Variants in STPG2 observed in about 807,000 individuals in gnomAD.
STPG2 encodes sperm-tail PG-rich repeat-containing protein 2.
STPG2 carries 56 observed loss-of-function variants against 54.2 expected under a neutral mutation model. The ratio of observed to expected loss-of-function variants is 1.03; its 90% CI spans 0.83 to 1.29. STPG2 has a LOEUF of 1.29. STPG2 is among the 50% of genes most tolerant of loss of function. The pLI is 0.00. For missense variants in STPG2, 596 were observed against 544.9 expected, an observed-to-expected ratio of 1.09 and a Z score of -0.93; for synonymous variants, 200 against 181.8, an observed-to-expected ratio of 1.10 and a Z score of -0.81.
intron 4 of STPG2, among the ~76,000 whole-genome samples, chr4:97,541,555 T>G (rs1434283812): frequency 6.6e-6 from 1 of 152,122 alleles, no homozygotes; most frequent in Non-Finnish European, 1.5e-5. Context: ...CCAAGGTAAT[T>G]TATAGATTCA....
intron 5 of STPG2, among the ~76,000 whole-genome samples, chr4:97,984,247 G>A (rs1392669800): frequency 6.6e-6 from 1 of 152,126 alleles, no homozygotes; most frequent in Admixed American, 6.6e-5. Flanking sequence ...TGGGTTCAGA[G>A]GATTCTCGTG....
intron 5 of STPG2, among the ~76,000 whole-genome samples, chr4:98,021,926 G>T (rs961401271): frequency 7.2e-5 from 11 of 151,932 alleles, no homozygotes; most frequent in Non-Finnish European, 1.3e-4. Flanking sequence ...CACCTGAGAT[G>T]GGTTTCCTGA....
chr4:97,898,261 T>C (rs931952323), intron 8 of STPG2, among the ~76,000 whole-genome samples: 3 of 151,980 alleles, frequency 2.0e-5, no homozygotes, highest in Non-Finnish European at 4.4e-5. Context: ...CATTGGAATA[T>C]GTGTCTGCTT....
intron 8 of STPG2, among the ~76,000 whole-genome samples, chr4:97,911,214 T>G (rs1731666313): frequency 6.6e-6 from 1 of 152,226 alleles, no homozygotes. Context: ...CTGTGCAGAC[T>G]GTCAGCGGCT....
intron 7 of STPG2, among the ~76,000 whole-genome samples, chr4:97,945,388 T>C (rs2149234096): frequency 6.6e-6 from 1 of 152,254 alleles, no homozygotes; most frequent in South Asian, 2.1e-4. Flanking sequence ...GAAGATATTA[T>C]GTTATTCTTT....
intron 9 of STPG2, among the ~76,000 whole-genome samples, chr4:97,800,449 C>T (rs1223147788): frequency 6.6e-6 from 1 of 152,194 alleles, no homozygotes. Flanking sequence ...GAGATCCACT[C>T]CAGACCCTTT....
intron 4 of STPG2, among the ~76,000 whole-genome samples, chr4:97,514,205 G>A (rs1420929916): frequency 6.6e-6 from 1 of 152,048 alleles, no homozygotes; most frequent in South Asian, 2.1e-4. Flanking sequence ...AGGAGGTTTT[G>A]TTTTTGTTCT....
rs891536217 is a variant in STPG2, at chr4:97,600,036, T to C, written c.1321-40919A>G. On this transcript the variant is annotated intron_variant, in intron 10 of 10. Transcript: ENST00000295268. Reference sequence around the variant, plus strand: ...CTCACTTATAAATGGAAGCTAAACATTGAGTACACATGGACACAAAGGGAA... The same window carrying C: ...CTCACTTATAAATGGAAGCTAAACACTGAGTACACATGGACACAAAGGGAA... 2.3e-4 allele frequency among the ~76,000 whole-genome samples: 35 copies of C among 152,024 alleles called. 1 individual carries two copies. Among genetic ancestry groups the C allele is most frequent in the African/African-American group, 7.5e-4 (31 of 41,460 alleles).
At chr4:98,044,085 C>G (rs1737043708) in intron 5 of STPG2, among the ~76,000 whole-genome samples, 1 of 152,070 alleles carries the variant, frequency 6.6e-6, no homozygotes, top group Non-Finnish European at 1.5e-5. Context: ...CAATTTACCT[C>G]TCCTCCCCTC....
intron 4 of STPG2, among the ~76,000 whole-genome samples, chr4:97,522,295 T>C (rs1731199610): frequency 6.6e-6 from 1 of 152,040 alleles, no homozygotes; most frequent in Admixed American, 6.6e-5. Flanking sequence ...CATTAGAGTT[T>C]ACATGTGTTT....
At position 98,037,456 on chromosome 4, in the gene STPG2, G is replaced by T. The variant is rs551719915; in HGVS notation, c.613-56138C>A. 4.3e-3 allele frequency among the ~76,000 whole-genome samples: 647 copies of T among 152,024 alleles called. 3 individuals carry two copies. Among genetic ancestry groups the T allele is most frequent in the South Asian group, 0.024 (118 of 4,824 alleles). On this transcript the variant is annotated intron_variant, in intron 5 of 10. Coordinates refer to ENST00000295268, the MANE Select transcript of STPG2 (RefSeq NM_174952.3). ...TAAGCCAGCAAAATTAAGGCTAGAA[G>T]ATAATAAAAGATATGTCCCAAAAAC... is the stretch of plus-strand genomic sequence containing the variant.
chr4:97,884,709 A>G (rs998809002), intron 8 of STPG2, among the ~76,000 whole-genome samples: 2 of 152,158 alleles, frequency 1.3e-5, no homozygotes, highest in Non-Finnish European at 2.9e-5. Context: ...AGAAGCAAAG[A>G]AAAAGTAAGG....
intron 4 of STPG2, among the ~76,000 whole-genome samples, chr4:97,468,122 A>C (rs1422959358): frequency 6.6e-6 from 1 of 152,038 alleles, no homozygotes; most frequent in African/African-American, 2.4e-5. Flanking sequence ...AAAAGCTTCT[A>C]TATCTAGATT....
chr4:97,935,150 T>A (rs1166696524), intron 8 of STPG2, among the ~76,000 whole-genome samples: 2 of 152,214 alleles, frequency 1.3e-5, no homozygotes, highest in African/African-American at 4.8e-5. Flanking sequence ...CATAGAGGTG[T>A]TTATAGTATT....
At chr4:98,008,862 C>G (rs1560633168) in intron 5 of STPG2, among the ~76,000 whole-genome samples, 1 of 152,028 alleles carries the variant, frequency 6.6e-6, no homozygotes, top group Non-Finnish European at 1.5e-5. Flanking sequence ...CTTCATTATT[C>G]AGTCTTGGTA....
chr4:97,585,585 G>C (rs1021886908), intron 10 of STPG2, among the ~76,000 whole-genome samples: 1 of 151,926 alleles, frequency 6.6e-6, no homozygotes. Flanking sequence ...AAGTTTTCTA[G>C]ATCTTTCAGA....
At chr4:97,932,977 CCCA>C (rs1477513447) in intron 8 of STPG2, among the ~76,000 whole-genome samples, 1 of 152,136 alleles carries the variant, frequency 6.6e-6, no homozygotes, top group Non-Finnish European at 1.5e-5. Flanking sequence ...AATTTATATT[CCCA>C]CCAACAGCAT....
intron 9 of STPG2, among the ~76,000 whole-genome samples, chr4:97,770,417 C>A (rs544899155): frequency 6.6e-6 from 1 of 152,008 alleles, no homozygotes; most frequent in African/African-American, 2.4e-5. Flanking sequence ...ATTTGGCAAG[C>A]ACAAAGAACT....
intron 4 of STPG2, among the ~76,000 whole-genome samples, chr4:97,459,763 T>C (rs1729617611): frequency 6.6e-6 from 1 of 152,262 alleles, no homozygotes; most frequent in Admixed American, 6.5e-5. Flanking sequence ...TTTAACAATG[T>C]CAGTTTCTAC....
Sources: allele counts gnomAD v4.1 joint callset (sites outside exome capture counted in the v4.1 genomes callset), GRCh38; gene constraint gnomAD v4.1.1; transcripts MANE v1.5; gene names NCBI Gene and HGNC (gene_info 2026-07-23, HGNC 2026-07-21).